Variants in MPHOSPH9 observed in about 807,000 individuals in gnomAD.
The protein encoded by MPHOSPH9 is M-phase phosphoprotein 9.
MPHOSPH9 carries 88 observed loss-of-function variants against 145.5 expected under a neutral mutation model. The ratio of observed to expected loss-of-function variants is 0.60; its 90% CI spans 0.51 to 0.72. The LOEUF (loss-of-function observed/expected upper bound fraction) is 0.72. MPHOSPH9 is among the 30% of genes least tolerant of loss of function. The pLI is 0.00. For missense variants in MPHOSPH9, 1,238 were observed against 1,386.6 expected (o/e 0.89, Z 1.70); for synonymous variants, 435 against 486.2 (o/e 0.89, Z 1.39).
intron 12 of MPHOSPH9, among the ~76,000 whole-genome samples, chr12:123,194,892 G>A (rs2045876474): frequency 6.6e-6 from 1 of 151,866 alleles, no homozygotes; most frequent in Non-Finnish European, 1.5e-5. Context: ...AAAGTGCTGG[G>A]ATTACAGGCA....
At chr12:123,237,848 A>G (rs909988125), upstream of MPHOSPH9, among the ~76,000 whole-genome samples, 3 of 152,130 alleles carry the variant, frequency 2.0e-5, no homozygotes, top group Non-Finnish European at 2.9e-5. Flanking sequence ...TGTGAAAGAC[A>G]GGGAAATGCT....
intron 2 of MPHOSPH9, among the ~76,000 whole-genome samples, chr12:123,229,758 T>C (rs1247191101): frequency 6.6e-6 from 1 of 151,290 alleles, no homozygotes; most frequent in Non-Finnish European, 1.5e-5. Context: ...TACATATCTC[T>C]GAGAGAAATG....
At chr12:123,169,083 A>C (rs2044458349) in intron 16 of MPHOSPH9, among the ~76,000 whole-genome samples, 1 of 151,234 alleles carries the variant, frequency 6.6e-6, no homozygotes, top group Non-Finnish European at 1.5e-5. Flanking sequence ...ATGGGGTTTC[A>C]CCATGTTATT....
In MPHOSPH9 at chr12:123,171,564, C is replaced by T. The variant is rs548256493; in HGVS notation, c.2457-4775G>A. Among the ~76,000 whole-genome samples, 22 of 152,272 alleles carry T rather than the reference C, an allele frequency of 1.4e-4. No individual in the cohort carries two copies. In the South Asian group the frequency reaches 1.9e-3, roughly 13 times the overall value. ...AGGAGTTTGAGACCAGCTTGGCTGA[C>T]ATGGCAAAACCCCATCTCTACTAAA... is the stretch of plus-strand genomic sequence containing the variant. On this transcript the variant is annotated intron_variant, in intron 16 of 23. Coordinates refer to ENST00000606320, the MANE Select transcript of MPHOSPH9 (RefSeq NM_022782.4).
At chr12:123,172,871 C>T (rs1387215459) in intron 16 of MPHOSPH9, among the ~76,000 whole-genome samples, 15 of 57,954 alleles carry the variant, frequency 2.6e-4, no homozygotes, top group South Asian at 9.3e-4. Flanking sequence ...TTTTCATTCA[C>T]TTTTTTTTTT....
intron 11 of MPHOSPH9, among the ~76,000 whole-genome samples, chr12:123,198,883 T>C (rs1003926033): frequency 1.4e-5 from 2 of 139,752 alleles, no homozygotes; most frequent in Non-Finnish European, 3.1e-5. Flanking sequence ...ATGCATAAAA[T>C]AGCTTGATCT....
intron 16 of MPHOSPH9, among the ~76,000 whole-genome samples, chr12:123,169,924 A>G (rs1213873240): frequency 6.6e-6 from 1 of 151,622 alleles, no homozygotes; most frequent in East Asian, 2.0e-4. Flanking sequence ...TATAAGACCA[A>G]TTTTTATATA....
rs563567582 is a variant in MPHOSPH9 at position 123,195,671 on chromosome 12, G to A, written c.2026-1070C>T. On this transcript the variant is annotated intron_variant, in intron 12 of 23. Transcript: ENST00000606320. ...ACAATCATTTCTGGAATACCCACTAGGTGCTAGGCACTAGGGTGCTAGAAA... is the reference window on the plus strand; with the variant it reads ...ACAATCATTTCTGGAATACCCACTAAGTGCTAGGCACTAGGGTGCTAGAAA... Among the ~76,000 whole-genome samples the A allele has an allele frequency of 3.9e-5, 6 of 152,204 alleles. No individual in the cohort carries two copies. The East Asian group carries it at 1.2e-3, about 29-fold the overall frequency.
At chr12:123,181,794 G>A (rs2045163649) in intron 13 of MPHOSPH9, among the ~76,000 whole-genome samples, 1 of 152,034 alleles carries the variant, frequency 6.6e-6, no homozygotes, top group South Asian at 2.1e-4. Flanking sequence ...TTGAGCCTGG[G>A]AGGTTGAGAC....
chr12:123,223,486 C>T (rs2047303238), intron 3 of MPHOSPH9, among the ~76,000 whole-genome samples: 1 of 152,180 alleles, frequency 6.6e-6, no homozygotes, highest in South Asian at 2.1e-4. Context: ...CGCACCTCTC[C>T]ACTTCATCCC....
At chr12:123,170,065 C>A (rs1250631761) in intron 16 of MPHOSPH9, among the ~76,000 whole-genome samples, 1 of 151,020 alleles carries the variant, frequency 6.6e-6, no homozygotes, top group Non-Finnish European at 1.5e-5. Context: ...ACAGCCTCGA[C>A]CCCTCAGGCT....
intron 23 of MPHOSPH9, among the ~76,000 whole-genome samples, chr12:123,158,293 C>T (rs1381539228): frequency 2.6e-5 from 4 of 152,158 alleles, no homozygotes; most frequent in Non-Finnish European, 1.5e-5. Context: ...CTGCACCCAG[C>T]CGTGTATCAT....
At chr12:123,185,005 T>C (rs915272546) in intron 13 of MPHOSPH9, among the ~76,000 whole-genome samples, 1 of 152,096 alleles carries the variant, frequency 6.6e-6, no homozygotes, top group Non-Finnish European at 1.5e-5. Context: ...GGTTTCACCA[T>C]GTTGGCCAGG....
intron 16 of MPHOSPH9, among the ~76,000 whole-genome samples, chr12:123,171,844 T>G (rs1454468026): frequency 6.6e-6 from 1 of 152,180 alleles, no homozygotes; most frequent in Non-Finnish European, 1.5e-5. Flanking sequence ...CATCCAGCTT[T>G]ATAAATCTTG....
chr12:123,242,183 T>C (rs1284535763), intron 1 of MPHOSPH9, among the ~76,000 whole-genome samples: 1 of 152,168 alleles, frequency 6.6e-6, no homozygotes, highest in Admixed American at 6.5e-5. Context: ...ACTGAAGCAA[T>C]GACAGGAGCT....
In MPHOSPH9 at chr12:123,166,635, C is replaced by A. The variant is rs967109655; in HGVS notation, c.2591+20G>T. ...AAAACATAACATCCCTAAATAGAAT[C>A]TTTAGCAAAGTTATCTCACCCTAGG... is the stretch of plus-strand genomic sequence containing the variant. On this transcript the variant is annotated intron_variant, in intron 17 of 23. Transcript: ENST00000606320. The A allele has an allele frequency of 6.2e-6, 10 of 1,608,364 alleles. No individual in the cohort carries two copies. The highest frequency in any genetic ancestry group is 8.5e-6 in the Non-Finnish European group (10 of 1,178,304).
At chr12:123,162,079 T>A in intron 21 of MPHOSPH9, 36 bp downstream of exon 21, 1 of 1,328,766 alleles carries the variant, frequency 7.5e-7, no homozygotes, top group Non-Finnish European at 1.0e-6. Flanking sequence ...AAATGAATGA[T>A]TAAAACCATA....
At chr12:123,171,135 G>A (rs761719629) in intron 16 of MPHOSPH9, among the ~76,000 whole-genome samples, 12 of 151,624 alleles carry the variant, frequency 7.9e-5, no homozygotes, top group Non-Finnish European at 1.3e-4. Context: ...TCCTTTATTC[G>A]TTCCTGTTCA....
chr12:123,211,602 C>A (rs182356514), intron 7 of MPHOSPH9, among the ~76,000 whole-genome samples: 7 of 150,774 alleles, frequency 4.6e-5, no homozygotes, highest in Non-Finnish European at 1.0e-4. Context: ...GCAATCCACC[C>A]TCCTCGGCCT....
Sources: allele counts gnomAD v4.1 joint callset (sites outside exome capture counted in the v4.1 genomes callset), GRCh38; gene constraint gnomAD v4.1.1; transcripts MANE v1.5; gene names NCBI Gene and HGNC (gene_info 2026-07-23, HGNC 2026-07-21).